Variants in NRXN3 observed in about 807,000 individuals in gnomAD.
The protein encoded by NRXN3 is neurexin III.
NRXN3 carries 32 observed loss-of-function variants against 137.6 expected under a neutral mutation model. The observed-to-expected ratio is 0.23, with a 90% CI of 0.18 to 0.31. The LOEUF (loss-of-function observed/expected upper bound fraction) is 0.31, where lower values mean the gene tolerates loss of function less well. NRXN3 is among the 10% of genes least tolerant of loss of function. The probability of loss-of-function intolerance (pLI) is 1.00; values close to 1 mark genes in which losing one functional copy is unlikely to be tolerated. For missense variants in NRXN3, 1,574 were observed against 2,062.5 expected (o/e 0.76, Z 4.59); for synonymous variants, 798 against 784.5 (o/e 1.02, Z -0.29).
intron 4 of NRXN3, among the ~76,000 whole-genome samples, chr14:78,449,728 A>C (rs1442324287): frequency 1.3e-5 from 2 of 152,244 alleles, no homozygotes; most frequent in African/African-American, 4.8e-5. Context: ...TTTCTCAGAA[A>C]GTATAAGATG....
At chr14:78,610,374 C>T (rs2097290470) in intron 4 of NRXN3, among the ~76,000 whole-genome samples, 1 of 152,114 alleles carries the variant, frequency 6.6e-6, no homozygotes, top group Non-Finnish European at 1.5e-5. Context: ...AAGATCTGGC[C>T]AACCAGGCTC....
intron 4 of NRXN3, among the ~76,000 whole-genome samples, chr14:78,549,947 T>G (rs776324722): frequency 3.0e-4 from 46 of 151,968 alleles, no homozygotes; most frequent in Non-Finnish European, 1.3e-4. Flanking sequence ...TCCCTTTTAG[T>G]AACTTAGTAA....
chr14:78,936,709 T>C (rs545754761), intron 10 of NRXN3, among the ~76,000 whole-genome samples: 19 of 152,276 alleles, frequency 1.2e-4, no homozygotes, highest in African/African-American at 4.3e-4. Context: ...AAAGAAAACA[T>C]GGAAAACATT....
rs1016722896 is a variant in NRXN3, at chr14:79,279,983, T to A, written c.3263-187238T>A. The A allele has an allele frequency of 6.0e-6, 7 of 1,165,378 alleles. No individual in the cohort carries two copies. In the African/African-American group the frequency reaches 1.1e-4, roughly 19 times the overall value. 72.2% of individuals were successfully genotyped at this position (1,165,378 alleles called of 1,614,324 possible). A position where few individuals can be genotyped will look rare whatever the true frequency, so the allele number is the denominator to read the frequency against. On this transcript the variant is annotated intron_variant, in intron 15 of 20. Transcript: ENST00000335750. ...AGAGATCCGGAGGAAGCCGCGCCGG[T>A]CTTCCCCTGACATGCGTGGCATGCC...
intron 15 of NRXN3, among the ~76,000 whole-genome samples, chr14:79,164,947 T>G (rs185286388): frequency 6.6e-6 from 1 of 152,126 alleles, no homozygotes; most frequent in East Asian, 1.9e-4. Flanking sequence ...GTTATAATTT[T>G]GGAGCTATAA....
intron 1 of NRXN3, among the ~76,000 whole-genome samples, chr14:78,175,728 G>A (rs61975962): frequency 2.0e-5 from 3 of 152,032 alleles, no homozygotes; most frequent in African/African-American, 7.2e-5. Flanking sequence ...ACTATGGATG[G>A]GGCCCACTCC....
intron 4 of NRXN3, among the ~76,000 whole-genome samples, chr14:78,600,725 C>T (rs1601140347): frequency 1.3e-5 from 2 of 152,292 alleles, no homozygotes; most frequent in South Asian, 2.1e-4. Flanking sequence ...GGACATGTGT[C>T]CCCAGCTTTC....
intron 8 of NRXN3, among the ~76,000 whole-genome samples, chr14:78,719,772 G>A (rs554182371): frequency 1.2e-4 from 18 of 152,286 alleles, no homozygotes; most frequent in Admixed American, 3.3e-4. Context: ...AATCTGGGAG[G>A]TGGAGGTTGC....
At chr14:78,509,704 C>T (rs2096066178) in intron 4 of NRXN3, among the ~76,000 whole-genome samples, 1 of 152,124 alleles carries the variant, frequency 6.6e-6, no homozygotes, top group Admixed American at 6.5e-5. Context: ...GGCATTGCTT[C>T]AAAGGGGACA....
chr14:79,524,304 A>G (rs1170759371), intron 16 of NRXN3, among the ~76,000 whole-genome samples: 2 of 152,202 alleles, frequency 1.3e-5, no homozygotes, highest in Non-Finnish European at 2.9e-5. Flanking sequence ...TTTTCTCCAG[A>G]ACTATACAAT....
intron 4 of NRXN3, among the ~76,000 whole-genome samples, chr14:78,356,990 C>G (rs1381562897): frequency 6.6e-6 from 1 of 152,110 alleles, no homozygotes; most frequent in Admixed American, 6.5e-5. Context: ...TGGGCCCTCA[C>G]CAAGGGCCTA....
intron 4 of NRXN3, among the ~76,000 whole-genome samples, chr14:78,422,633 G>T (rs981399647): frequency 6.6e-6 from 1 of 152,216 alleles, no homozygotes; most frequent in African/African-American, 2.4e-5. Flanking sequence ...AATCAATCAA[G>T]AAATCAATCA....
chr14:78,944,107 G>T (rs1470696300), intron 10 of NRXN3, among the ~76,000 whole-genome samples: 1 of 152,066 alleles, frequency 6.6e-6, no homozygotes. Context: ...CATCAACTTT[G>T]GGAAACGGAA....
At chr14:79,465,295 A>T (rs2096406525) in intron 15 of NRXN3, among the ~76,000 whole-genome samples, 1 of 152,184 alleles carries the variant, frequency 6.6e-6, no homozygotes, top group African/African-American at 2.4e-5. Flanking sequence ...GTAGGAAGTA[A>T]ACATTGTTTT....
intron 4 of NRXN3, among the ~76,000 whole-genome samples, chr14:78,309,135 T>A (rs182851738): frequency 1.5e-4 from 23 of 152,252 alleles, no homozygotes; most frequent in Non-Finnish European, 2.9e-4. Flanking sequence ...TCTGTTTCTT[T>A]AAAAACAATG....
intron 10 of NRXN3, among the ~76,000 whole-genome samples, chr14:78,887,888 T>C (rs1260272745): frequency 6.6e-6 from 1 of 152,064 alleles, no homozygotes; most frequent in Non-Finnish European, 1.5e-5. Context: ...CCAGGAGCTC[T>C]TCTGCTGAAG....
intron 19 of NRXN3, among the ~76,000 whole-genome samples, chr14:79,714,731 C>T (rs920408762): frequency 6.6e-6 from 1 of 152,030 alleles, no homozygotes; most frequent in Non-Finnish European, 1.5e-5. Flanking sequence ...TCTCTCTCTC[C>T]CTCATTTTCA....
At chr14:78,240,041 T>C (rs1252752510) in intron 1 of NRXN3, among the ~76,000 whole-genome samples, 1 of 152,220 alleles carries the variant, frequency 6.6e-6, no homozygotes, top group African/African-American at 2.4e-5. Flanking sequence ...TCAAATACTC[T>C]TTGTGGTGTT....
chr14:78,627,614 A>C (rs1397093323), intron 4 of NRXN3, among the ~76,000 whole-genome samples: 1 of 152,216 alleles, frequency 6.6e-6, no homozygotes, highest in African/African-American at 2.4e-5. Flanking sequence ...AACATCCTGG[A>C]AATCAAAGTT....
Sources: allele counts gnomAD v4.1 joint callset (sites outside exome capture counted in the v4.1 genomes callset), GRCh38; gene constraint gnomAD v4.1.1; transcripts MANE v1.5; gene names NCBI Gene and HGNC (gene_info 2026-07-23, HGNC 2026-07-21).